The following RERG variants were observed in gnomAD, a reference collection of about 807,000 sequenced individuals.
RERG encodes RAS like estrogen regulated growth inhibitor.
RERG carries 25 observed loss-of-function variants against 23.2 expected under a neutral mutation model. The ratio of observed to expected loss-of-function variants is 1.08; its 90% CI spans 0.79 to 1.50. RERG has a LOEUF of 1.50. Ranked by LOEUF, RERG falls within the 40% of genes most tolerant of loss-of-function variation. RERG has a pLI of 0.00. For synonymous variants in RERG, 81 were observed against 89.1 expected (o/e 0.91, Z 0.51); for missense variants, 253 against 250.1 (o/e 1.01, Z -0.08).
chr12:15,152,356 C>T (rs1215867185), intron 2 of RERG, among the ~76,000 whole-genome samples: 1 of 152,184 alleles, frequency 6.6e-6, no homozygotes, highest in Non-Finnish European at 1.5e-5. Context: ...ACTTCAGTCC[C>T]ATCTGCTGTA....
At chr12:15,186,629 T>C (rs985640388) in intron 2 of RERG, among the ~76,000 whole-genome samples, 1 of 151,966 alleles carries the variant, frequency 6.6e-6, no homozygotes, top group African/African-American at 2.4e-5. Flanking sequence ...GGAGAAAACA[T>C]TAATTTAGAA....
intron 2 of RERG, among the ~76,000 whole-genome samples, chr12:15,154,578 T>A (rs148373562): frequency 3.4e-4 from 52 of 152,304 alleles, no homozygotes; most frequent in African/African-American, 1.3e-3. Context: ...ATTTGCAGAA[T>A]GGGAAAAACA....
Position 15,109,281 on chromosome 12 carries a change from A to G in RERG, c.429T>C (p.Ala143=), listed in dbSNP as rs141983767. 2.2e-4 allele frequency: 352 copies of G among 1,614,162 alleles called. No homozygotes were observed. The African/African-American group carries it at 4.3e-3, about 20-fold the overall frequency. Residue 143 remains alanine, a synonymous_variant, in exon 5 of 5, where the codon GCT becomes GCC. Transcript: ENST00000256953. Reference sequence around the variant, plus strand: ...CAGTGCAGGCAGAGCACTCGTAAAAAGCACAAGCCAATTCTGTGGCCAGCT... The same window carrying G: ...CAGTGCAGGCAGAGCACTCGTAAAAGGCACAAGCCAATTCTGTGGCCAGCT... ...GEKLATELAC[A]FYECSACTGE...
intron 2 of RERG, among the ~76,000 whole-genome samples, chr12:15,153,205 G>C (rs1394140101): frequency 6.6e-6 from 1 of 152,110 alleles, no homozygotes; most frequent in African/African-American, 2.4e-5. Flanking sequence ...GGTCATCCAA[G>C]GTTTCTTTAG....
rs746334935 is a variant in RERG at position 15,109,540 on chromosome 12, G to A, written c.193-23C>T. 9 of 1,552,458 alleles carry A rather than the reference G, an allele frequency of 5.8e-6. No homozygotes were observed. In the East Asian group the frequency reaches 6.8e-5, roughly 12 times the overall value. ...TTCCTGTTGGCAAAGAAAAATGGCC[G>A]TCAAGAGACCTGGAAATAATCAAAA... On this transcript the variant is annotated intron_variant, in intron 4 of 4. Coordinates refer to ENST00000256953, the MANE Select transcript of RERG (RefSeq NM_032918.3).
intron 2 of RERG, among the ~76,000 whole-genome samples, chr12:15,163,439 CA>C (rs1864642577): frequency 6.6e-6 from 1 of 152,108 alleles, no homozygotes; most frequent in African/African-American, 2.4e-5. Flanking sequence ...AATTGGGTTA[CA>C]TAGGGGAAGT....
rs770944287 is a variant in RERG, at chr12:15,109,535, T to C, written c.193-18A>G. The C allele has an allele frequency of 1.9e-6, 3 of 1,561,132 alleles. No homozygotes were observed. Among genetic ancestry groups the C allele is most frequent in the Admixed American group, 1.9e-5 (1 of 53,158 alleles). ...GTATCTTCCTGTTGGCAAAGAAAAA[T>C]GGCCGTCAAGAGACCTGGAAATAAT... On this transcript the variant is annotated intron_variant, in intron 4 of 4. Coordinates refer to ENST00000256953, the MANE Select transcript of RERG (RefSeq NM_032918.3).
chr12:15,131,397 C>G (rs1409821949), intron 2 of RERG, among the ~76,000 whole-genome samples: 1 of 151,920 alleles, frequency 6.6e-6, no homozygotes, highest in African/African-American at 2.4e-5. Flanking sequence ...TATTTCATTC[C>G]AAGTCATCAT....
chr12:15,175,333 CTGTGTGTGTGTGTG>C (rs532399275), intron 2 of RERG, among the ~76,000 whole-genome samples: 255 of 112,246 alleles, frequency 2.3e-3, no homozygotes, highest in African/African-American at 5.6e-3. Context: ...CTCTCAGGCT[CTGTGTGTGTGTGTG>C]TGTGTGTGTG....
chr12:15,136,202 T>G (rs1864141639), intron 2 of RERG, among the ~76,000 whole-genome samples: 1 of 152,076 alleles, frequency 6.6e-6, no homozygotes, highest in African/African-American at 2.4e-5. Flanking sequence ...CCATATAGTA[T>G]TCCTTTATTA....
intron 2 of RERG, among the ~76,000 whole-genome samples, chr12:15,193,391 C>T (rs1865099452): frequency 6.6e-6 from 1 of 152,110 alleles, no homozygotes; most frequent in Admixed American, 6.6e-5. Flanking sequence ...CATGCCTCCA[C>T]CCTTTCATTT....
chr12:15,168,984 T>G (rs947324661), intron 2 of RERG, among the ~76,000 whole-genome samples: 1 of 152,168 alleles, frequency 6.6e-6, no homozygotes, highest in Non-Finnish European at 1.5e-5. Flanking sequence ...CTAAAGGTTT[T>G]TTTTTGTTGT....
intron 2 of RERG, among the ~76,000 whole-genome samples, chr12:15,132,099 T>C (rs1051576788): frequency 6.6e-5 from 10 of 152,150 alleles, no homozygotes; most frequent in Non-Finnish European, 1.2e-4. Context: ...AAATATGACA[T>C]GAACATCTTT....
intron 2 of RERG, among the ~76,000 whole-genome samples, chr12:15,189,410 T>C (rs1022200320): frequency 1.3e-5 from 2 of 152,150 alleles, no homozygotes; most frequent in African/African-American, 4.8e-5. Flanking sequence ...TGTCCATATA[T>C]CCACATGATT....
At chr12:15,199,516 A>G (rs572161145) in intron 2 of RERG, among the ~76,000 whole-genome samples, 12 of 152,228 alleles carry the variant, frequency 7.9e-5, no homozygotes, top group Admixed American at 6.5e-4. Flanking sequence ...ACTGGTATTT[A>G]CCACATATGG....
intron 2 of RERG, among the ~76,000 whole-genome samples, chr12:15,159,454 G>C (rs973383751): frequency 6.6e-6 from 1 of 151,974 alleles, no homozygotes; most frequent in Non-Finnish European, 1.5e-5. Context: ...ATTGTATTTG[G>C]CCTCTCAGGA....
At chr12:15,218,950 G>A (rs1174810538) in intron 1 of RERG, among the ~76,000 whole-genome samples, 1 of 151,982 alleles carries the variant, frequency 6.6e-6, no homozygotes, top group Non-Finnish European at 1.5e-5. Flanking sequence ...AATTCCCTGA[G>A]ATTTTCACTA....
chr12:15,143,107 G>A (rs1247998900), intron 2 of RERG, among the ~76,000 whole-genome samples: 2 of 152,144 alleles, frequency 1.3e-5, no homozygotes, highest in Non-Finnish European at 2.9e-5. Context: ...GGTTGTGTAG[G>A]TTAATGTAAT....
At chr12:15,150,562 A>G (rs1864424011) in intron 2 of RERG, among the ~76,000 whole-genome samples, 2 of 152,212 alleles carry the variant, frequency 1.3e-5, no homozygotes, top group African/African-American at 4.8e-5. Context: ...GATAACTAAC[A>G]TTTATGTTCC....
Sources: gnomAD v4.1 joint callset for allele counts (sites outside exome capture counted in the v4.1 genomes callset) on GRCh38, gnomAD v4.1.1 for gene constraint, MANE v1.5 for transcripts, NCBI Gene and HGNC (gene_info 2026-07-23, HGNC 2026-07-21) for gene names.